TRIM37: variants seen among roughly 807,000 people sequenced by gnomAD.
The protein encoded by TRIM37 is tripartite motif containing 37.
TRIM37 carries 80 observed loss-of-function variants against 129.8 expected under a neutral mutation model. The observed-to-expected ratio is 0.62, with a 90% CI of 0.51 to 0.74. The LOEUF is 0.74. Among genes scored for constraint, TRIM37 ranks in the 30% least tolerant of loss-of-function variants. The pLI is 0.00. For synonymous variants in TRIM37, 389 were observed against 387.1 expected, an observed-to-expected ratio of 1.00 and a Z score of -0.06; for missense variants, 1,054 against 1,176.5, an observed-to-expected ratio of 0.90 and a Z score of 1.52.
In TRIM37 at chr17:59,075,391, G is replaced by A. The variant is rs139032183; in HGVS notation, c.684+256C>T. ...ATCCCAGCTAACATGGTGAAACCCC[G>A]TCTCTACTGAAAATACAAAAAAATT... is the stretch of plus-strand genomic sequence containing the variant. On this transcript the variant is annotated intron_variant, in intron 8 of 23. Coordinates refer to ENST00000262294, the MANE Select transcript of TRIM37 (RefSeq NM_015294.6). Among the ~76,000 whole-genome samples the A allele has an allele frequency of 5.2e-3, 789 of 151,868 alleles. 17 individuals are homozygous for A. Among genetic ancestry groups the A allele is most frequent in the Non-Finnish European group, 2.9e-3 (200 of 67,926 alleles).
At chr17:58,978,725 G>T (rs1237003847), downstream of TRIM37, among the ~76,000 whole-genome samples, 1 of 152,068 alleles carries the variant, frequency 6.6e-6, no homozygotes, top group Non-Finnish European at 1.5e-5. Context: ...AAAGTGAATT[G>T]AGAGTCCCTT....
intron 8 of TRIM37, 126 bp from the exon 9 acceptor site, chr17:59,071,073 G>T: frequency 9.3e-7 from 1 of 1,079,492 alleles, no homozygotes; most frequent in Non-Finnish European, 1.3e-6. Flanking sequence ...CTCAAAGTGA[G>T]CTTGAGAATT....
At chr17:59,024,781 T>C (rs561604376) in intron 19 of TRIM37, among the ~76,000 whole-genome samples, 1 of 152,222 alleles carries the variant, frequency 6.6e-6, no homozygotes. Context: ...CTCATCAGCA[T>C]CCCAAAATGC....
rs138048053 is a variant in TRIM37 at position 59,053,141 on chromosome 17, G to A, written c.1200-1813C>T. On this transcript the variant is annotated intron_variant, in intron 13 of 23. Coordinates refer to ENST00000262294, the MANE Select transcript of TRIM37 (RefSeq NM_015294.6). ...CTAAACACTATTATTTTCTTTGAAT[G>A]ATTTAAACCACTGGTTAACTCTGCA... Among the ~76,000 whole-genome samples, 187 of 152,252 alleles carry A rather than the reference G, an allele frequency of 1.2e-3. 2 individuals carry two copies. The Middle Eastern group carries it at 0.017, about 14-fold the overall frequency.
chr17:58,996,197 G>C (rs772384629), downstream of TRIM37, among the ~76,000 whole-genome samples: 5 of 152,066 alleles, frequency 3.3e-5, no homozygotes, highest in Non-Finnish European at 5.9e-5. Context: ...GGCTGGGCGG[G>C]CACAGTGGCT....
chr17:59,088,106 G>GT (rs1265958244), intron 4 of TRIM37, 185 bp downstream of exon 4: 2 of 618,052 alleles, frequency 3.2e-6, no homozygotes, highest in Non-Finnish European at 5.7e-6. Flanking sequence ...TGAAATAACT[G>GT]TTGTTAAATA....
downstream of TRIM37, chr17:58,980,514 A>T: frequency 6.2e-7 from 1 of 1,614,212 alleles, no homozygotes; most frequent in South Asian, 1.1e-5. This position sits in a 1 kb window ranked among gnomAD's most constrained non-coding sequence, Gnocchi z 4.7. Flanking sequence ...CACAGTGCCC[A>T]GTTTTTGCTA....
intron 4 of TRIM37, among the ~76,000 whole-genome samples, chr17:59,086,604 A>G (rs760122828): frequency 2.6e-5 from 4 of 152,218 alleles, no homozygotes; most frequent in East Asian, 1.9e-4. Flanking sequence ...AAATACTTAC[A>G]TAAGTTTATA....
At chr17:59,074,446 A>T (rs1327469422) in intron 8 of TRIM37, among the ~76,000 whole-genome samples, 1 of 152,262 alleles carries the variant, frequency 6.6e-6, no homozygotes, top group African/African-American at 2.4e-5. Flanking sequence ...GGGATAATGA[A>T]GAAAAATAAG....
chr17:59,091,945 G>T (rs1017971323), intron 2 of TRIM37, among the ~76,000 whole-genome samples: 1 of 150,692 alleles, frequency 6.6e-6, no homozygotes, highest in African/African-American at 2.4e-5. Flanking sequence ...CCACAGTGAT[G>T]ATTTATTTCT....
Position 59,106,443 on chromosome 17 carries a change from C to G in TRIM37, c.19G>C (p.Glu7Gln). MDEQSV[E>Q]SIAEVFRCFI... ...CACCACCCTCACAACCCCCTCACCT[C>G]CACGCTCTGTTCATCCATTGCCTCC... The change falls in exon 1 of 24, where the codon GAG becomes CAG. Residue 7 changes from glutamate to glutamine, a missense_variant and splice_region_variant. This residue lies in a region of TRIM37 where 752 missense variants were observed against 870.8 expected (regional missense o/e 0.86). Transcript: ENST00000262294. 1 of 1,614,130 alleles carries G rather than the reference C, an allele frequency of 6.2e-7. No individual in the cohort carries two copies. The highest frequency in any genetic ancestry group is 8.5e-7 in the Non-Finnish European group (1 of 1,179,986).
chr17:59,106,410 G>T (rs1466442543), intron 1 of TRIM37, 31 bp downstream of exon 1: 1 of 1,613,740 alleles, frequency 6.2e-7, no homozygotes, highest in South Asian at 1.1e-5. Flanking sequence ...GTGGGGGCGG[G>T]GACTAACCAC....
intron 24 of TRIM37, chr17:58,984,052 T>C (rs2031569570): frequency 6.6e-6 from 1 of 152,650 alleles, no homozygotes; most frequent in Non-Finnish European, 1.5e-5. Flanking sequence ...CATTTAGGTC[T>C]GTACTAAAGA....
intron 24 of TRIM37, chr17:58,985,146 A>G (rs1182140876): frequency 6.6e-6 from 1 of 152,644 alleles, no homozygotes; most frequent in Non-Finnish European, 1.5e-5. Context: ...AATTTTGCCA[A>G]TTATCTTAAT....
intron 17 of TRIM37, among the ~76,000 whole-genome samples, chr17:59,038,047 A>T (rs2038752547): frequency 6.6e-6 from 1 of 152,190 alleles, no homozygotes; most frequent in African/African-American, 2.4e-5. Flanking sequence ...AACATGACTT[A>T]TCACTTACAA....
intron 2 of TRIM37, among the ~76,000 whole-genome samples, chr17:59,092,921 G>T (rs1599527112): frequency 6.6e-6 from 1 of 152,176 alleles, no homozygotes; most frequent in Non-Finnish European, 1.5e-5. Flanking sequence ...GGGAGGCTGA[G>T]GCGGGTGGAT....
At position 59,032,502 on chromosome 17, in the gene TRIM37, G is replaced by C. The variant is rs543190218; in HGVS notation, c.1754-412C>G. ...ATTGCGCCACTGCAGTCCGCAGTCC[G>C]GCCTGGGCGACAGAGCGAGACTCCG... On this transcript the variant is annotated intron_variant, in intron 17 of 23. Coordinates refer to ENST00000262294, the MANE Select transcript of TRIM37 (RefSeq NM_015294.6). 2.8e-5 allele frequency among the ~76,000 whole-genome samples: 4 copies of C among 144,998 alleles called. No homozygotes were observed. In the East Asian group the frequency reaches 8.1e-4, roughly 29 times the overall value.
intron 19 of TRIM37, 52 bp from the exon 20 acceptor site, chr17:59,017,476 C>A: frequency 1.2e-6 from 2 of 1,612,862 alleles, no homozygotes. Context: ...GCACAAAACT[C>A]ACTATTTAGT....
chr17:58,968,452 T>A, the TRIM37 span, among the ~76,000 whole-genome samples: 1 of 152,270 alleles, frequency 6.6e-6, no homozygotes, highest in South Asian at 2.1e-4. Context: ...AAAGAACTTT[T>A]TCAAAGTACA....
Sources: allele counts gnomAD v4.1 joint callset (sites outside exome capture counted in the v4.1 genomes callset), GRCh38; gene constraint gnomAD v4.1.1; regional missense constraint gnomAD v4.1.1; non-coding constraint Gnocchi (gnomAD v3.1); transcripts MANE v1.5; gene names NCBI Gene and HGNC (gene_info 2026-07-23, HGNC 2026-07-21).